Variants in CACNA1I observed in about 807,000 individuals in gnomAD.
The protein encoded by CACNA1I is voltage-dependent T-type calcium channel subunit alpha-1I.
A neutral mutation model predicts 201.6 loss-of-function variants in CACNA1I; 74 were observed. That is an observed-to-expected ratio of 0.37 (90% CI 0.30 to 0.45). The LOEUF is 0.45. Ranked by LOEUF, CACNA1I falls within the 20% of genes least tolerant of loss-of-function variation. CACNA1I has a pLI of 1.00. For missense variants in CACNA1I, 2,346 were observed against 3,138.1 expected, an observed-to-expected ratio of 0.75 and a Z score of 6.03; for synonymous variants, 1,431 against 1,345.2, an observed-to-expected ratio of 1.06 and a Z score of -1.40.
intron 1 of CACNA1I, among the ~76,000 whole-genome samples, chr22:39,592,004 C>T (rs1285301542): frequency 6.6e-6 from 1 of 152,242 alleles, no homozygotes; most frequent in East Asian, 1.9e-4. Flanking sequence ...TTCATTCCCC[C>T]TGCTCAGCTC....
At chr22:39,673,503 A>G (rs1213088468) in intron 28 of CACNA1I, among the ~76,000 whole-genome samples, 1 of 152,150 alleles carries the variant, frequency 6.6e-6, no homozygotes, top group Admixed American at 6.5e-5. Context: ...CCTCCCCTCA[A>G]GGTAGTTCGT....
At chr22:39,596,085 G>A (rs1354686843) in intron 1 of CACNA1I, among the ~76,000 whole-genome samples, 1 of 139,134 alleles carries the variant, frequency 7.2e-6, no homozygotes, top group East Asian at 2.1e-4. Flanking sequence ...CTGTGTGTCT[G>A]AGGAGCGGCA....
chr22:39,650,798 G>T (rs1279985834), intron 10 of CACNA1I, among the ~76,000 whole-genome samples: 1 of 152,216 alleles, frequency 6.6e-6, no homozygotes, highest in Non-Finnish European at 1.5e-5. Flanking sequence ...TGTGCTCCAG[G>T]CCCCTGGGCC....
chr22:39,578,606 G>A (rs1231082209), intron 1 of CACNA1I, among the ~76,000 whole-genome samples: 2 of 151,858 alleles, frequency 1.3e-5, no homozygotes, highest in Admixed American at 6.6e-5. Flanking sequence ...TCCCCAGTTC[G>A]CCTTCCTCCT....
intron 5 of CACNA1I, among the ~76,000 whole-genome samples, chr22:39,636,190 G>A (rs776536110): frequency 1.3e-5 from 2 of 152,178 alleles, no homozygotes; most frequent in African/African-American, 4.8e-5. Flanking sequence ...GAGACTCTGC[G>A]TCCCGTTCCC....
rs1224366981 is a variant in CACNA1I, at chr22:39,666,815, G to C, written c.4104+809G>C. 6.6e-6 allele frequency among the ~76,000 whole-genome samples: 1 copy of C among 152,182 alleles called. No individual in the cohort carries two copies. Among genetic ancestry groups the C allele is most frequent in the African/African-American group, 2.4e-5 (1 of 41,450 alleles). ...GGGAGGGGAGCCACAGGGCCTTGGA[G>C]GGGTAGTGAGTGCCCAGGGAAAGGG... On this transcript the variant is annotated intron_variant, in intron 23 of 36. Transcript: ENST00000402142. The surrounding 1 kb of genome is among the most constrained non-coding windows in gnomAD (Gnocchi z 4.1).
At chr22:39,578,351 G>C (rs1932429228) in intron 1 of CACNA1I, among the ~76,000 whole-genome samples, 1 of 152,136 alleles carries the variant, frequency 6.6e-6, no homozygotes, top group South Asian at 2.1e-4. Flanking sequence ...CTATTAGGAA[G>C]TCCTCCCTTA....
intron 3 of CACNA1I, among the ~76,000 whole-genome samples, chr22:39,613,240 C>T (rs1327597311): frequency 6.6e-6 from 1 of 152,042 alleles, no homozygotes. Context: ...GACAAACTCA[C>T]ACAGGGAATC....
chr22:39,616,691 G>T (rs1046311574), intron 3 of CACNA1I, among the ~76,000 whole-genome samples: 2 of 151,728 alleles, frequency 1.3e-5, no homozygotes, highest in African/African-American at 4.9e-5. Context: ...TTGAACCCGG[G>T]AGGCGTAGGT....
At chr22:39,606,137 G>T (rs1738055237) in intron 3 of CACNA1I, among the ~76,000 whole-genome samples, 1 of 152,164 alleles carries the variant, frequency 6.6e-6, no homozygotes, top group Non-Finnish European at 1.5e-5. Flanking sequence ...CTCTGTCCCT[G>T]GCAGGAGAAC....
At chr22:39,630,553 G>A (rs1934032230) in intron 4 of CACNA1I, among the ~76,000 whole-genome samples, 1 of 152,240 alleles carries the variant, frequency 6.6e-6, no homozygotes, top group South Asian at 2.1e-4. Flanking sequence ...CTTTGTGCCC[G>A]GTCCTGGTCT....
In CACNA1I at chr22:39,662,868, C is replaced by G. The variant is rs1425322314; in HGVS notation, c.3465C>G (p.Pro1155=). The G allele has an allele frequency of 1.1e-5, 18 of 1,584,214 alleles. No homozygotes were observed. The highest frequency in any genetic ancestry group is 1.5e-5 in the Non-Finnish European group (17 of 1,162,912). Reference sequence around the variant, plus strand: ...ACTGGTCTGTCTACCTCTTCTCTCCCGAGAACAGGTGGGCAGGGCCAGGCC... The same window carrying G: ...ACTGGTCTGTCTACCTCTTCTCTCCGGAGAACAGGTGGGCAGGGCCAGGCC... ...REDWSVYLFS[P]ENRFRVLCQT... Residue 1155 remains proline, a synonymous_variant, in exon 18 of 37, where the codon CCC becomes CCG. Transcript: ENST00000402142.
chr22:39,619,254 C>A, intron 3 of CACNA1I, 56 bp from the exon 4 acceptor site: 2 of 1,371,356 alleles, frequency 1.5e-6, no homozygotes, highest in Non-Finnish European at 1.0e-6. Flanking sequence ...GTGGCCCGGG[C>A]CCTGGCCCCA....
rs563814171 is a variant in CACNA1I, at chr22:39,634,211, T to C, written c.581-354T>C. On this transcript the variant is annotated intron_variant, in intron 4 of 36. Transcript: ENST00000402142. The stretch of plus-strand genomic sequence containing the variant: ...GTCTCCAGTTGCCTTCTCTATAAAA[T>C]AGAAATAAGAGTACCAACCTCACAG... Among the ~76,000 whole-genome samples, 7 of 152,280 alleles carry C rather than the reference T, an allele frequency of 4.6e-5. No individual in the cohort carries two copies. The South Asian group carries it at 8.3e-4, about 18-fold the overall frequency.
intron 5 of CACNA1I, among the ~76,000 whole-genome samples, chr22:39,635,341 G>A (rs73885293): frequency 2.5e-4 from 38 of 151,496 alleles, no homozygotes; most frequent in Non-Finnish European, 3.8e-4. Flanking sequence ...GCGGCAGAAG[G>A]GGGGGGGTCC....
rs1935219262 is a variant in CACNA1I, at chr22:39,666,978, C to T, written c.4104+972C>T. Among the ~76,000 whole-genome samples the T allele has an allele frequency of 6.6e-6, 1 of 152,256 alleles. No individual in the cohort carries two copies. Among genetic ancestry groups the T allele is most frequent in the South Asian group, 2.1e-4 (1 of 4,836 alleles). The stretch of plus-strand genomic sequence containing the variant: ...CCTATGGGCCCCGCCCCAGTGCCAG[C>T]TCCGCCCCTTTGGAGCATTTCTGGG... On this transcript the variant is annotated intron_variant, in intron 23 of 36. Transcript: ENST00000402142. This position sits in a 1 kb window ranked among gnomAD's most constrained non-coding sequence, Gnocchi z 4.1.
At chr22:39,589,915 A>G (rs1197947840) in intron 1 of CACNA1I, among the ~76,000 whole-genome samples, 1 of 152,164 alleles carries the variant, frequency 6.6e-6, no homozygotes, top group African/African-American at 2.4e-5. Flanking sequence ...CAGATTTTAG[A>G]TTTGACAAAA....
At chr22:39,600,374 TCTC>T (rs1932997573) in intron 2 of CACNA1I, 143 bp from the exon 3 acceptor site, 5 of 633,300 alleles carry the variant, frequency 7.9e-6, no homozygotes, top group South Asian at 1.9e-5. Context: ...TCACTGAGGT[TCTC>T]CTCCTGCCCA....
chr22:39,602,775 A>G (rs1933105931), intron 3 of CACNA1I, among the ~76,000 whole-genome samples: 1 of 152,116 alleles, frequency 6.6e-6, no homozygotes, highest in Non-Finnish European at 1.5e-5. Flanking sequence ...TTTCCTGACT[A>G]GAAGCTTGTG....
Sources: gnomAD v4.1 joint callset for allele counts (sites outside exome capture counted in the v4.1 genomes callset) on GRCh38, gnomAD v4.1.1 for gene constraint, Gnocchi (gnomAD v3.1) non-coding constraint, MANE v1.5 for transcripts, NCBI Gene and HGNC (gene_info 2026-07-23, HGNC 2026-07-21) for gene names.